DNAH8: variants seen among roughly 807,000 people sequenced by gnomAD.
The protein encoded by DNAH8 is dynein axonemal heavy chain 8.
In DNAH8, 382 loss-of-function variants were observed where a neutral mutation model predicts 562.1. The observed-to-expected ratio is 0.68, with a 90% CI of 0.63 to 0.74. The LOEUF (loss-of-function observed/expected upper bound fraction) is 0.74. DNAH8 is among the 30% of genes least tolerant of loss of function. DNAH8 has a pLI of 0.00. For synonymous variants in DNAH8, 1,881 were observed against 1,919.4 expected (o/e 0.98, Z 0.52); for missense variants, 5,203 against 5,620.4 (o/e 0.93, Z 2.37).
intron 1 of DNAH8, among the ~76,000 whole-genome samples, chr6:38,721,277 G>A (rs984342204): frequency 8.5e-5 from 13 of 152,124 alleles, no homozygotes; most frequent in African/African-American, 2.9e-4. Flanking sequence ...GCAGTACCAT[G>A]AGACCAGTCT....
rs190321674 is a variant in DNAH8, at chr6:38,922,907, T to C, written c.10663-151T>C. The C allele has an allele frequency of 3.5e-4, 257 of 725,284 alleles. No homozygotes were observed. The African/African-American group carries it at 4.1e-3, about 12-fold the overall frequency. The allele number at this position is 725,284 out of a possible 1,614,324, so 44.9% of individuals were successfully genotyped here. A position where few individuals can be genotyped will look rare whatever the true frequency, so the allele number is the denominator to read the frequency against. On this transcript the variant is annotated intron_variant, in intron 71 of 92. Transcript: ENST00000327475. ...TATATTATGAATGATCAAAATTTAATATGTGAAGTTTCAATGCACACTGTA... is the reference window on the plus strand; with the variant it reads ...TATATTATGAATGATCAAAATTTAACATGTGAAGTTTCAATGCACACTGTA...
intron 31 of DNAH8, among the ~76,000 whole-genome samples, chr6:38,833,869 ATATC>A (rs1216706019): frequency 6.6e-6 from 1 of 152,164 alleles, no homozygotes; most frequent in African/African-American, 2.4e-5. Flanking sequence ...ATTATTTAGT[ATATC>A]TATCATATCA....
chr6:38,848,715 A>G lies in DNAH8; in HGVS notation c.5113A>G (p.Ile1705Val). 6.2e-7 allele frequency: 1 copy of G among 1,612,730 alleles called. No individual in the cohort carries two copies. The highest frequency in any genetic ancestry group is 8.5e-7 in the Non-Finnish European group (1 of 1,178,826). ...VYKLSTSSDI[I>V]EEWLVVQNLW... ...TAAATTGTCCACTTCCTCAGATATAATTGAAGAGTGGCTCGTAGTACAGAA... is the reference window on the plus strand; with the variant it reads ...TAAATTGTCCACTTCCTCAGATATAGTTGAAGAGTGGCTCGTAGTACAGAA... Residue 1705 changes from isoleucine to valine, a missense_variant, in exon 37 of 93, where the codon ATT becomes GTT. Coordinates refer to ENST00000327475, the MANE Select transcript of DNAH8 (RefSeq NM_001206927.2).
intron 89 of DNAH8, among the ~76,000 whole-genome samples, chr6:39,011,043 A>G (rs1239914450): frequency 7.2e-5 from 11 of 152,044 alleles, no homozygotes; most frequent in Admixed American, 7.2e-4. Context: ...TGATTTTAAT[A>G]TAGTTTGCTC....
chr6:38,962,983 T>C (rs1762711091), intron 82 of DNAH8, among the ~76,000 whole-genome samples: 1 of 152,062 alleles, frequency 6.6e-6, no homozygotes, highest in African/African-American at 2.4e-5. Context: ...GAGAAAAGGT[T>C]TGAGGGTGTG....
At chr6:38,807,165 A>G (rs987114096) in intron 23 of DNAH8, among the ~76,000 whole-genome samples, 4 of 152,190 alleles carry the variant, frequency 2.6e-5, no homozygotes, top group African/African-American at 7.2e-5. Flanking sequence ...TTCATCTCAT[A>G]TATTTGAGTA....
intron 80 of DNAH8, among the ~76,000 whole-genome samples, chr6:38,947,750 C>CTTTTTT (rs34044479): frequency 3.4e-5 from 5 of 146,788 alleles, no homozygotes; most frequent in Non-Finnish European, 4.5e-5. Context: ...AAATCCTCTT[C>CTTTTTT]TTTTTTTTTT....
chr6:38,759,056 G>A (rs1166434712), intron 10 of DNAH8, among the ~76,000 whole-genome samples: 5 of 151,982 alleles, frequency 3.3e-5, no homozygotes, highest in South Asian at 2.1e-4. Flanking sequence ...TAATCCCAGC[G>A]CTTTGGGAGG....
intron 12 of DNAH8, among the ~76,000 whole-genome samples, chr6:38,773,194 A>G (rs557038998): frequency 5.3e-5 from 8 of 152,172 alleles, no homozygotes; most frequent in African/African-American, 1.9e-4. Context: ...CTCATTGGTC[A>G]GGACAAAGAT....
intron 8 of DNAH8, among the ~76,000 whole-genome samples, chr6:38,748,866 A>G (rs1405387664): frequency 6.6e-6 from 1 of 151,856 alleles, no homozygotes; most frequent in African/African-American, 2.4e-5. Context: ...TTGGATAAAG[A>G]CTTAACAGTT....
chr6:38,929,724 G>GA (rs1222604990), intron 75 of DNAH8, 58 bp downstream of exon 75: 22 of 1,396,176 alleles, frequency 1.6e-5, no homozygotes, highest in Non-Finnish European at 1.9e-5. Flanking sequence ...AAGAAAAAAA[G>GA]AAAAAAATTA....
chr6:38,915,279 C>G lies in DNAH8; in HGVS notation c.10042C>G (p.Gln3348Glu). 6.2e-7 allele frequency: 1 copy of G among 1,610,428 alleles called. No homozygotes were observed. The highest frequency in any genetic ancestry group is 1.1e-5 in the South Asian group (1 of 90,394). ...AGTACAGGAGGTAAAGGACAAAGCCCAAAAAATTGTGGATGAAATTGATAG... is the reference window on the plus strand; with the variant it reads ...AGTACAGGAGGTAAAGGACAAAGCCGAAAAAATTGTGGATGAAATTGATAG... ...NEVQEVKDKA[Q>E]KIVDEIDSEK... Residue 3348 changes from glutamine (Q) to glutamate (E), a missense_variant, in exon 68 of 93, where the codon CAA (glutamine) becomes GAA (glutamate). Gln to Glu is a conservative substitution (Grantham distance 29). Transcript: ENST00000327475.
intron 80 of DNAH8, among the ~76,000 whole-genome samples, chr6:38,948,890 A>G (rs1480313900): frequency 1.3e-5 from 2 of 152,156 alleles, no homozygotes; most frequent in Non-Finnish European, 2.9e-5. Flanking sequence ...CTAGGAAAAT[A>G]AAAGTTTTGA....
chr6:38,922,379 G>C (rs1781778733), intron 71 of DNAH8, among the ~76,000 whole-genome samples: 1 of 152,018 alleles, frequency 6.6e-6, no homozygotes, highest in Non-Finnish European at 1.5e-5. Flanking sequence ...ACTGAGCACA[G>C]ATTTGGGAAA....
At chr6:38,927,094 A>G (rs1782182032) in intron 74 of DNAH8, among the ~76,000 whole-genome samples, 1 of 152,212 alleles carries the variant, frequency 6.6e-6, no homozygotes, top group South Asian at 2.1e-4. Flanking sequence ...GAATTCTGAT[A>G]TTTATTGAAT....
chr6:38,863,412 G>A (rs1776791640), intron 44 of DNAH8, among the ~76,000 whole-genome samples: 1 of 151,906 alleles, frequency 6.6e-6, no homozygotes, highest in Admixed American at 6.6e-5. Context: ...GGGCTACAGA[G>A]CAAGACTCTA....
In DNAH8 at chr6:38,929,595, C is replaced by T. The variant is rs1215135195; in HGVS notation, c.11203C>T (p.His3735Tyr). The T allele has an allele frequency of 1.5e-5, 24 of 1,608,102 alleles. No homozygotes were observed. Among genetic ancestry groups the T allele is most frequent in the Non-Finnish European group, 1.8e-5 (21 of 1,178,896 alleles). The change falls in exon 75 of 93, where the codon CAT (histidine) becomes TAT (tyrosine). Residue 3735 changes from histidine (H) to tyrosine (Y), a missense_variant. Coordinates refer to ENST00000327475, the MANE Select transcript of DNAH8 (RefSeq NM_001206927.2). ...CCGACCCCTTCTCATTGAGGACATT[C>T]ATGAAGAGCTGGATCCAGCCTTGGA... ...LGRPLLIEDI[H>Y]EELDPALDNV...
intron 16 of DNAH8, among the ~76,000 whole-genome samples, 193 bp from the exon 17 acceptor site, chr6:38,782,811 C>T (rs980494899): frequency 6.6e-6 from 1 of 152,176 alleles, no homozygotes; most frequent in African/African-American, 2.4e-5. Flanking sequence ...AGTCTTCCCT[C>T]TATATACTGA....
intron 21 of DNAH8, among the ~76,000 whole-genome samples, chr6:38,795,507 G>A (rs561317512): frequency 6.8e-6 from 1 of 148,084 alleles, no homozygotes; most frequent in East Asian, 2.3e-4. Flanking sequence ...GTGAACCCAG[G>A]AGGCGGAGCT....
Sources: allele counts gnomAD v4.1 joint callset (sites outside exome capture counted in the v4.1 genomes callset), GRCh38; gene constraint gnomAD v4.1.1; transcripts MANE v1.5; gene names NCBI Gene and HGNC (gene_info 2026-07-23, HGNC 2026-07-21).